ORC3: variants seen among roughly 807,000 people sequenced by gnomAD.
The protein encoded by ORC3 is origin recognition complex subunit 3.
ORC3 carries 78 observed loss-of-function variants against 100.7 expected under a neutral mutation model. The observed-to-expected ratio is 0.77, with a 90% CI of 0.65 to 0.94. The LOEUF (loss-of-function observed/expected upper bound fraction) is 0.94. ORC3 is among the 40% of genes least tolerant of loss of function. The pLI, the probability that ORC3 is intolerant of heterozygous loss-of-function variation, is 0.00. For synonymous variants in ORC3, 295 were observed against 289.3 expected, an observed-to-expected ratio of 1.02 and a Z score of -0.20; for missense variants, 789 against 823.9, an observed-to-expected ratio of 0.96 and a Z score of 0.52.
Position 87,663,052 on chromosome 6 carries a change from T to C in ORC3, c.1741T>C (p.Phe581Leu). The change falls in exon 17 of 20, where the codon TTC becomes CTC. Residue 581 changes from phenylalanine (F) to leucine (L), a missense_variant. By Grantham distance (22) the Phe-to-Leu change is conservative. Around this residue, in one of 3 missense-constraint regions of ORC3, gnomAD observed 366 missense variants for 394.2 expected, o/e 0.93. Coordinates refer to ENST00000392844, the MANE Select transcript of ORC3 (RefSeq NM_012381.4). ...ACAGCCTCTCCATGAGGTGGTGTAC[T>C]TCAGTGCTGCCCATGCCCTTCGTGA... Reference protein sequence around the residue: ...ETQPLHEVVYFSAAHALREHL... With the variant: ...ETQPLHEVVYLSAAHALREHL... The C allele has an allele frequency of 1.2e-6, 2 of 1,612,976 alleles. No homozygotes were observed. The highest frequency in any genetic ancestry group is 1.1e-5 in the South Asian group (1 of 91,032).
intron 13 of ORC3, among the ~76,000 whole-genome samples, chr6:87,652,717 C>G (rs1769373511): frequency 6.6e-6 from 1 of 152,222 alleles, no homozygotes; most frequent in Non-Finnish European, 1.5e-5. Flanking sequence ...GTGGTAAGCA[C>G]TGTGCTAGAG....
intron 11 of ORC3, among the ~76,000 whole-genome samples, chr6:87,626,077 T>C (rs1372547368): frequency 1.3e-5 from 2 of 152,214 alleles, no homozygotes; most frequent in Non-Finnish European, 2.9e-5. Context: ...CATGCTGTTT[T>C]GGTTACTGTA....
chr6:87,667,697 G>A (rs1484465146), downstream of ORC3, among the ~76,000 whole-genome samples: 1 of 152,026 alleles, frequency 6.6e-6, no homozygotes, highest in African/African-American at 2.4e-5. Context: ...GAGAGGCCAA[G>A]GCGGGTGGAT....
chr6:87,624,448 C>T (rs1046354017), intron 11 of ORC3, among the ~76,000 whole-genome samples: 2 of 152,108 alleles, frequency 1.3e-5, no homozygotes, highest in South Asian at 4.1e-4. Context: ...CATGCCCTAG[C>T]GTCGGCAACA....
At chr6:87,606,048 T>A (rs1562326176) in intron 5 of ORC3, 27 bp downstream of exon 5, 3 of 1,162,646 alleles carry the variant, frequency 2.6e-6, no homozygotes, top group Non-Finnish European at 3.9e-6. Context: ...CATAATAACC[T>A]TGATGAGATG....
At chr6:87,599,861 TAC>T (rs1354716037) in intron 2 of ORC3, among the ~76,000 whole-genome samples, 1 of 152,114 alleles carries the variant, frequency 6.6e-6, no homozygotes, top group African/African-American at 2.4e-5. Flanking sequence ...TAGTCCCAGC[TAC>T]TCGGGAGGCT....
chr6:87,602,956 T>TATATATATATATATATATATTATATA (rs1778056703), intron 3 of ORC3, among the ~76,000 whole-genome samples: 3 of 91,338 alleles, frequency 3.3e-5, no homozygotes, highest in African/African-American at 1.4e-4. Context: ...ACATATATAA[T>TATATATATATATATATATATTATATA]ATATATATAT....
chr6:87,622,747 T>C (rs1435389975), intron 11 of ORC3, among the ~76,000 whole-genome samples: 3 of 152,172 alleles, frequency 2.0e-5, no homozygotes, highest in Non-Finnish European at 4.4e-5. Context: ...CAAGTAATTA[T>C]ATTATATTTT....
chr6:87,660,694 T>A (rs1037235971), intron 16 of ORC3, among the ~76,000 whole-genome samples: 10 of 152,236 alleles, frequency 6.6e-5, no homozygotes, highest in African/African-American at 2.4e-4. Flanking sequence ...TTCAACTTTG[T>A]AGCCCTTGTT....
intron 2 of ORC3, among the ~76,000 whole-genome samples, chr6:87,600,967 G>A (rs1448286635): frequency 6.6e-6 from 1 of 152,120 alleles, no homozygotes; most frequent in Non-Finnish European, 1.5e-5. Flanking sequence ...GCAATAAATG[G>A]TATTTTCACA....
Position 87,605,907 on chromosome 6 carries a change from T to C in ORC3, c.323-10T>C, listed in dbSNP as rs746976138. The C allele has an allele frequency of 7.0e-7, 1 of 1,428,692 alleles. No individual in the cohort carries two copies. The highest frequency in any genetic ancestry group is 9.8e-7 in the Non-Finnish European group (1 of 1,019,950). 88.5% of individuals were successfully genotyped at this position (1,428,692 alleles called of 1,614,324 possible). ...AAATGGTGATGTAATATTGATGTAT[T>C]ATCTCATAGGTGTGAATGTCACAGA... On this transcript the variant is annotated splice_polypyrimidine_tract_variant and intron_variant, in intron 4 of 19. Coordinates refer to ENST00000392844, the MANE Select transcript of ORC3 (RefSeq NM_012381.4).
chr6:87,615,005 T>C (rs1467737773), intron 8 of ORC3, among the ~76,000 whole-genome samples: 6 of 152,274 alleles, frequency 3.9e-5, no homozygotes, highest in Middle Eastern at 3.4e-3. Context: ...ACTGTATTAG[T>C]CTGTTCTCAC....
intron 9 of ORC3, 59 bp downstream of exon 9, chr6:87,616,486 T>G (rs1779162115): frequency 2.7e-6 from 2 of 733,718 alleles, no homozygotes; most frequent in East Asian, 5.2e-5. Context: ...ATTTGCACAT[T>G]ATTTCAGGCT....
intron 8 of ORC3, among the ~76,000 whole-genome samples, chr6:87,614,047 C>T (rs6922520): frequency 4.7e-4 from 72 of 152,362 alleles, no homozygotes; most frequent in African/African-American, 1.6e-3. Flanking sequence ...TTCCCTTTCA[C>T]ACTGCCCTAG....
rs751861216 is a variant in ORC3 at position 87,612,286 on chromosome 6, A to C, written c.873+38A>C. On this transcript the variant is annotated intron_variant, in intron 8 of 19. Coordinates refer to ENST00000392844, the MANE Select transcript of ORC3 (RefSeq NM_012381.4). Reference sequence around the variant, plus strand: ...AGTTTTACCAGTGAAATAGGATGAAAAGAAAACTGCCAATAATAGATTGTT... The same window carrying C: ...AGTTTTACCAGTGAAATAGGATGAACAGAAAACTGCCAATAATAGATTGTT... 4.9e-6 allele frequency: 7 copies of C among 1,440,002 alleles called. No individual in the cohort carries two copies. In the South Asian group the frequency reaches 7.7e-5, roughly 16 times the overall value. The allele number at this position is 1,440,002 out of a possible 1,614,324, so 89.2% of individuals were successfully genotyped here.
intron 11 of ORC3, among the ~76,000 whole-genome samples, chr6:87,629,404 G>A (rs2128273447): frequency 6.6e-6 from 1 of 152,264 alleles, no homozygotes; most frequent in East Asian, 1.9e-4. Flanking sequence ...TAAGTACTAT[G>A]GAAGTAGAAG....
chr6:87,641,270 T>C (rs1480683556), intron 13 of ORC3, among the ~76,000 whole-genome samples: 1 of 152,218 alleles, frequency 6.6e-6, no homozygotes, highest in Non-Finnish European at 1.5e-5. Flanking sequence ...ACCTCATCAA[T>C]TGAGAATTAC....
intron 17 of ORC3, among the ~76,000 whole-genome samples, 190 bp downstream of exon 17, chr6:87,663,334 A>G (rs1770352918): frequency 6.6e-6 from 1 of 152,258 alleles, no homozygotes; most frequent in Non-Finnish European, 1.5e-5. Context: ...GATAGCAATT[A>G]GTAGTCAACT....
At chr6:87,642,718 C>T (rs1005693236) in intron 13 of ORC3, among the ~76,000 whole-genome samples, 3 of 150,966 alleles carry the variant, frequency 2.0e-5, no homozygotes, top group East Asian at 2.0e-4. Flanking sequence ...CTGGCTAACA[C>T]GGTGAAACCC....
Sources: allele counts gnomAD v4.1 joint callset (sites outside exome capture counted in the v4.1 genomes callset), GRCh38; gene constraint gnomAD v4.1.1; regional missense constraint gnomAD v4.1.1; transcripts MANE v1.5; gene names NCBI Gene and HGNC (gene_info 2026-07-23, HGNC 2026-07-21).